The following ADAMTS16 variants were observed in gnomAD, a reference collection of about 807,000 sequenced individuals.
ADAMTS16 encodes A disintegrin and metalloproteinase with thrombospondin motifs 16.
Under a neutral mutation model 145.8 loss-of-function variants are expected in ADAMTS16, and 94 were observed. The ratio of observed to expected loss-of-function variants is 0.64; its 90% CI spans 0.55 to 0.77. The LOEUF is 0.77. Ranked by LOEUF, ADAMTS16 falls within the 30% of genes least tolerant of loss-of-function variation. The pLI is 0.00. For synonymous variants in ADAMTS16, 659 were observed against 604.3 expected (o/e 1.09, Z -1.33); for missense variants, 1,585 against 1,591.5 (o/e 1.00, Z 0.07).
chr5:5,181,984 G>A, intron 3 of ADAMTS16, 60 bp from the exon 4 acceptor site: 1 of 1,525,472 alleles, frequency 6.6e-7, no homozygotes, highest in Non-Finnish European at 8.9e-7. Flanking sequence ...TGGAGAATCG[G>A]CCCTGGCTTC....
At chr5:5,192,083 A>T (rs1735675637) in intron 8 of ADAMTS16, among the ~76,000 whole-genome samples, 1 of 152,168 alleles carries the variant, frequency 6.6e-6, no homozygotes, top group African/African-American at 2.4e-5. Context: ...TCCTGGGCTC[A>T]AGCAATCCTC....
intron 2 of ADAMTS16, 40 bp downstream of exon 2, chr5:5,140,806 A>G (rs1336572284): frequency 1.3e-6 from 2 of 1,502,464 alleles, no homozygotes; most frequent in Admixed American, 4.1e-5. Flanking sequence ...CTTGCCATTT[A>G]GCAGCTCGTA....
At chr5:5,241,911 GGAT>G in intron 16 of ADAMTS16, 139 bp from the exon 17 acceptor site, 1 of 1,024,986 alleles carries the variant, frequency 9.8e-7, no homozygotes, top group South Asian at 1.7e-5. Flanking sequence ...TGTAAAGTTT[GGAT>G]GATAGTCTGA....
chr5:5,298,049 C>T (rs1739619686), intron 18 of ADAMTS16, among the ~76,000 whole-genome samples: 2 of 152,236 alleles, frequency 1.3e-5, no homozygotes, highest in South Asian at 4.1e-4. Flanking sequence ...AGACTAGACC[C>T]TGGCATTAAC....
chr5:5,243,567 T>A (rs555132232), intron 17 of ADAMTS16, among the ~76,000 whole-genome samples: 1 of 152,346 alleles, frequency 6.6e-6, no homozygotes, highest in Admixed American at 6.5e-5. Flanking sequence ...TGATTTTACC[T>A]CTCCCTATTT....
Position 5,242,313 on chromosome 5 carries a change from G to A in ADAMTS16, c.2662+122G>A, listed in dbSNP as rs1281081613. 4.4e-6 allele frequency: 6 copies of A among 1,352,476 alleles called. No individual in the cohort carries two copies. The African/African-American group carries it at 5.9e-5, about 13-fold the overall frequency. The allele number at this position is 1,352,476 out of a possible 1,614,324, so 83.8% of individuals were successfully genotyped here. ...GGGGCTTCTCCCTGCCAGTAGCAGT[G>A]ACATTCCCAAGGTGGGGAGTGGTGG... On this transcript the variant is annotated intron_variant, in intron 17 of 22. Coordinates refer to ENST00000274181, the MANE Select transcript of ADAMTS16 (RefSeq NM_139056.4).
At chr5:5,167,548 C>A (rs866910754) in intron 3 of ADAMTS16, among the ~76,000 whole-genome samples, 8 of 152,320 alleles carry the variant, frequency 5.3e-5, no homozygotes, top group Middle Eastern at 3.4e-3. Context: ...ATTAATCAGT[C>A]TAGGTTGGCG....
At chr5:5,193,419 T>G (rs1238138189) in intron 8 of ADAMTS16, among the ~76,000 whole-genome samples, 1 of 152,200 alleles carries the variant, frequency 6.6e-6, no homozygotes, top group Admixed American at 6.5e-5. Context: ...TCTGCTAGAG[T>G]TAAAACTTCA....
chr5:5,258,996 G>A lies in ADAMTS16; in HGVS notation c.2663-3661G>A, dbSNP rs1164988352. Among the ~76,000 whole-genome samples, 9 of 152,246 alleles carry A rather than the reference G, an allele frequency of 5.9e-5. 1 individual carries two copies. Among genetic ancestry groups the A allele is most frequent in the East Asian group, 3.9e-4 (2 of 5,174 alleles). ...CTCTCCCCTCCTGAGGGCAGGAGCC[G>A]TTGTGAGGCCTTGGCTATGAGGCAT... On this transcript the variant is annotated intron_variant, in intron 17 of 22. Transcript: ENST00000274181.
chr5:5,157,598 A>G (rs1734632808), intron 3 of ADAMTS16, among the ~76,000 whole-genome samples: 1 of 152,168 alleles, frequency 6.6e-6, no homozygotes, highest in African/African-American at 2.4e-5. Flanking sequence ...TAGAAATTGG[A>G]CTCAAAACAT....
chr5:5,208,685 C>T (rs1736195331), intron 9 of ADAMTS16, among the ~76,000 whole-genome samples: 2 of 152,152 alleles, frequency 1.3e-5, no homozygotes, highest in Admixed American at 1.3e-4. Context: ...AAAGAAAGTT[C>T]CAGTCTTTGA....
chr5:5,309,872 G>A lies in ADAMTS16; in HGVS notation c.3411+3144G>A, dbSNP rs116326411. 7.0e-3 allele frequency among the ~76,000 whole-genome samples: 1,057 copies of A among 151,706 alleles called. 16 individuals carry two copies. The highest frequency in any genetic ancestry group is 0.024 in the African/African-American group (985 of 41,180). ...TGTGTGTGTGCATGTGATCAGAAGAGGGAGAGGCGCTGCCAGAGAAAGCAA... is the reference window on the plus strand; with the variant it reads ...TGTGTGTGTGCATGTGATCAGAAGAAGGAGAGGCGCTGCCAGAGAAAGCAA... On this transcript the variant is annotated intron_variant, in intron 21 of 22. Transcript: ENST00000274181.
chr5:5,262,505 T>C (rs1189049539), intron 17 of ADAMTS16, 152 bp from the exon 18 acceptor site: 1 of 960,450 alleles, frequency 1.0e-6, no homozygotes, highest in East Asian at 2.6e-5. Flanking sequence ...GTCAGAAAAG[T>C]GGAGTATTAA....
intron 17 of ADAMTS16, among the ~76,000 whole-genome samples, chr5:5,249,063 G>A (rs1441210372): frequency 6.6e-6 from 1 of 152,200 alleles, no homozygotes; most frequent in African/African-American, 2.4e-5. Flanking sequence ...CTTCCAGTCT[G>A]AGTCTGAGGT....
chr5:5,160,096 A>C (rs540080886), intron 3 of ADAMTS16, among the ~76,000 whole-genome samples: 42 of 152,364 alleles, frequency 2.8e-4, no homozygotes, highest in Admixed American at 2.5e-3. Context: ...GCTGAAATGT[A>C]CAAGTATGTG....
intron 18 of ADAMTS16, among the ~76,000 whole-genome samples, chr5:5,286,191 C>T (rs1739093746): frequency 6.6e-6 from 1 of 152,162 alleles, no homozygotes; most frequent in Non-Finnish European, 1.5e-5. Flanking sequence ...TGTAACAATA[C>T]TGAGCATATG....
chr5:5,229,279 T>C (rs1385427463), intron 11 of ADAMTS16, among the ~76,000 whole-genome samples: 1 of 115,374 alleles, frequency 8.7e-6, no homozygotes, highest in Admixed American at 1.2e-4. Flanking sequence ...CAGTCCGGCC[T>C]GGGCGACAGA....
At chr5:5,213,688 C>T (rs528024821) in intron 10 of ADAMTS16, among the ~76,000 whole-genome samples, 3 of 152,254 alleles carry the variant, frequency 2.0e-5, no homozygotes, top group African/African-American at 7.2e-5. Context: ...CCCCATGAGG[C>T]ATGGACTTCT....
intron 12 of ADAMTS16, among the ~76,000 whole-genome samples, chr5:5,233,838 T>G (rs546295927): frequency 6.6e-6 from 1 of 152,348 alleles, no homozygotes; most frequent in East Asian, 1.9e-4. Flanking sequence ...GAATGATTTA[T>G]ATTCCTTTGG....
Sources: gnomAD v4.1 joint callset for allele counts (sites outside exome capture counted in the v4.1 genomes callset) on GRCh38, gnomAD v4.1.1 for gene constraint, MANE v1.5 for transcripts, NCBI Gene and HGNC (gene_info 2026-07-23, HGNC 2026-07-21) for gene names.